Variants in PRKCH observed in about 807,000 individuals in gnomAD.
The protein encoded by PRKCH is protein kinase C eta type.
A neutral mutation model predicts 82.5 loss-of-function variants in PRKCH; 28 were observed. The observed-to-expected ratio is 0.34, with a 90% CI of 0.25 to 0.47. The LOEUF is 0.47. PRKCH is among the 20% of genes least tolerant of loss of function. PRKCH has a pLI of 1.00. For missense variants in PRKCH, 705 were observed against 881.8 expected, an observed-to-expected ratio of 0.80 and a Z score of 2.54; for synonymous variants, 322 against 327.4, an observed-to-expected ratio of 0.98 and a Z score of 0.18.
intron 5 of PRKCH, 146 bp downstream of exon 5, chr14:61,449,398 C>T (rs913586370): frequency 1.8e-5 from 12 of 659,608 alleles, no homozygotes; most frequent in South Asian, 1.3e-4. Flanking sequence ...CCTGCCACCT[C>T]CCTTCCACAT....
chr14:61,511,028 G>A (rs886901633), intron 10 of PRKCH, among the ~76,000 whole-genome samples: 6 of 152,104 alleles, frequency 3.9e-5, no homozygotes, highest in African/African-American at 1.5e-4. Context: ...TAGGGGTGGT[G>A]AGAGACTTAG....
At chr14:61,456,353 G>T (rs1884766919) in intron 7 of PRKCH, among the ~76,000 whole-genome samples, 1 of 152,184 alleles carries the variant, frequency 6.6e-6, no homozygotes, top group Non-Finnish European at 1.5e-5. Flanking sequence ...TCACTCCAGT[G>T]TTATTCACTG....
chr14:61,304,436 C>T (rs2045470647), intron 1 of PRKCH: 1 of 152,170 alleles, frequency 6.6e-6, no homozygotes, highest in Non-Finnish European at 1.5e-5. Flanking sequence ...ACCACCGCCC[C>T]CAATTCTTCT....
chr14:61,547,975 G>GGTC, intron 13 of PRKCH, 89 bp downstream of exon 13: 2 of 1,518,718 alleles, frequency 1.3e-6, no homozygotes, highest in Non-Finnish European at 1.8e-6. Context: ...GATGGCCCCT[G>GGTC]TGGGTGACAG....
chr14:61,443,721 A>C (rs1884085081), intron 3 of PRKCH, among the ~76,000 whole-genome samples: 1 of 152,242 alleles, frequency 6.6e-6, no homozygotes, highest in Admixed American at 6.5e-5. Context: ...AGAAGATAAT[A>C]GCCTTCAGTG....
intron 11 of PRKCH, 107 bp downstream of exon 11, chr14:61,529,320 A>G: frequency 1.4e-6 from 2 of 1,395,638 alleles, no homozygotes; most frequent in Non-Finnish European, 1.9e-6. Context: ...GGCAGCATTG[A>G]AAGGTGTCTA....
intron 1 of PRKCH, among the ~76,000 whole-genome samples, chr14:61,339,499 A>AT (rs1377246030): frequency 6.9e-6 from 1 of 144,252 alleles, no homozygotes; most frequent in African/African-American, 2.6e-5. Context: ...AATTTTTTGT[A>AT]TTTTTAGTAG....
At chr14:61,328,308 C>T (rs1376002724) in intron 1 of PRKCH, among the ~76,000 whole-genome samples, 4 of 138,976 alleles carry the variant, frequency 2.9e-5, no homozygotes, top group Non-Finnish European at 6.2e-5. Flanking sequence ...CTGCTATATT[C>T]TTTGAATATG....
intron 2 of PRKCH, among the ~76,000 whole-genome samples, chr14:61,434,975 A>T (rs1488911059): frequency 6.6e-6 from 1 of 152,204 alleles, no homozygotes; most frequent in African/African-American, 2.4e-5. Context: ...CCCCACCCAT[A>T]TTTCCTTTCA....
chr14:61,494,775 A>C (rs75704801), intron 10 of PRKCH, among the ~76,000 whole-genome samples: 1 of 152,250 alleles, frequency 6.6e-6, no homozygotes, highest in East Asian at 1.9e-4. Context: ...TCTTCATAGA[A>C]ATTGGAGTTT....
intron 1 of PRKCH, chr14:61,306,514 G>T (rs146017645): frequency 6.6e-6 from 1 of 152,188 alleles, no homozygotes; most frequent in Admixed American, 6.5e-5. Flanking sequence ...TGAAGAGGAC[G>T]TGCAGATCAC....
At chr14:61,300,538 G>A (rs1233359744) in intron 1 of PRKCH, among the ~76,000 whole-genome samples, 1 of 152,196 alleles carries the variant, frequency 6.6e-6, no homozygotes, top group African/African-American at 2.4e-5. Context: ...CTGTAAGGGA[G>A]ATGTATACTG....
intron 1 of PRKCH, among the ~76,000 whole-genome samples, chr14:61,337,346 T>A (rs1439009548): frequency 6.6e-6 from 1 of 152,136 alleles, no homozygotes; most frequent in Admixed American, 6.5e-5. Flanking sequence ...GCCATGTTGC[T>A]TAGGCTGAAC....
At chr14:61,216,474 A>C (rs552927105) in intron 1 of PRKCH, among the ~76,000 whole-genome samples, 2 of 152,264 alleles carry the variant, frequency 1.3e-5, no homozygotes, top group African/African-American at 4.8e-5. Flanking sequence ...TGTCTCAAAA[A>C]AAAAACAAAA....
At chr14:61,326,284 G>A (rs2045695455) in intron 1 of PRKCH, among the ~76,000 whole-genome samples, 1 of 152,194 alleles carries the variant, frequency 6.6e-6, no homozygotes, top group African/African-American at 2.4e-5. Flanking sequence ...TATTACACAT[G>A]TAACAACAGG....
chr14:61,422,564 A>G (rs541952735), intron 2 of PRKCH, among the ~76,000 whole-genome samples: 1 of 152,180 alleles, frequency 6.6e-6, no homozygotes, highest in African/African-American at 2.4e-5. Context: ...TTCAGGCATC[A>G]CTGTCTCTGT....
intron 1 of PRKCH, among the ~76,000 whole-genome samples, chr14:61,199,848 A>T (rs2044466735): frequency 6.6e-6 from 1 of 152,104 alleles, no homozygotes; most frequent in Non-Finnish European, 1.5e-5. Flanking sequence ...TTCCTAGAAC[A>T]TTTCAGTATT....
intron 13 of PRKCH, among the ~76,000 whole-genome samples, chr14:61,548,088 T>C (rs545579492): frequency 1.3e-5 from 2 of 152,350 alleles, no homozygotes; most frequent in East Asian, 3.9e-4. Flanking sequence ...ACATTAATTC[T>C]TACCAAGTTT....
chr14:61,397,988 A>G lies in PRKCH; in HGVS notation c.427+6700A>G, dbSNP rs374245241. Among the ~76,000 whole-genome samples, 10 of 152,304 alleles carry G rather than the reference A, an allele frequency of 6.6e-5. No homozygotes were observed. In the East Asian group the frequency reaches 1.7e-3, roughly 26 times the overall value. ...GAGCTCAAGGCGTATAAAATTATCA[A>G]CTGGATCAGAAACCCCTCACCACTG... On this transcript the variant is annotated intron_variant, in intron 2 of 13. Transcript: ENST00000332981.
Sources: allele counts gnomAD v4.1 joint callset (sites outside exome capture counted in the v4.1 genomes callset), GRCh38; gene constraint gnomAD v4.1.1; transcripts MANE v1.5; gene names NCBI Gene and HGNC (gene_info 2026-07-23, HGNC 2026-07-21).